KCNQ1: variants seen among roughly 807,000 people sequenced by gnomAD.
KCNQ1 encodes potassium voltage-gated channel subfamily KQT member 1.
Under a neutral mutation model 72.4 loss-of-function variants are expected in KCNQ1, and 49 were observed. The observed-to-expected ratio is 0.68, with a 90% CI of 0.54 to 0.86. The LOEUF is 0.86. KCNQ1 is among the 40% of genes least tolerant of loss of function. The pLI is 0.00. For missense variants in KCNQ1, 790 were observed against 945.1 expected, an observed-to-expected ratio of 0.84 and a Z score of 2.15; for synonymous variants, 450 against 412.6, an observed-to-expected ratio of 1.09 and a Z score of -1.10.
At chr11:2,802,846 G>A (rs1020208165) in intron 15 of KCNQ1, among the ~76,000 whole-genome samples, 3 of 152,204 alleles carry the variant, frequency 2.0e-5, no homozygotes, top group African/African-American at 7.2e-5. Flanking sequence ...ACCCTTGGAC[G>A]TTCCCTGAGC....
chr11:2,542,063 A>G (rs953272289), intron 2 of KCNQ1, among the ~76,000 whole-genome samples: 1 of 152,106 alleles, frequency 6.6e-6, no homozygotes, highest in African/African-American at 2.4e-5. Context: ...AGACTCCCAG[A>G]CCTTGCTGGG....
intron 11 of KCNQ1, among the ~76,000 whole-genome samples, chr11:2,736,744 C>T (rs1334715064): frequency 6.6e-6 from 1 of 152,238 alleles, no homozygotes; most frequent in East Asian, 1.9e-4. Flanking sequence ...TGCGCATCTG[C>T]AGCTGGTATG....
At chr11:2,587,836 G>A in intron 9 of KCNQ1, 144 bp downstream of exon 9, 2 of 1,169,676 alleles carry the variant, frequency 1.7e-6, no homozygotes. Context: ...TCGGGACACT[G>A]GGCCATACAC....
chr11:2,806,270 A>G (rs900095252), intron 15 of KCNQ1, among the ~76,000 whole-genome samples: 2 of 152,202 alleles, frequency 1.3e-5, no homozygotes, highest in East Asian at 3.9e-4. Context: ...AAAAGAGTAA[A>G]CAATCAATGT....
intron 10 of KCNQ1, chr11:2,637,762 T>G (rs1347009159): frequency 6.6e-6 from 1 of 152,200 alleles, no homozygotes. Context: ...TCTTGTTGAT[T>G]TGTCTAATGT....
chr11:2,659,690 C>G lies in KCNQ1; in HGVS notation c.1394-2271C>G, dbSNP rs898730370. Reference sequence around the variant, plus strand: ...ATTGCTAAACTATTTCCTAAAGTCACTGTGCCATTTTGCATTCCCACCAGT... The same window carrying G: ...ATTGCTAAACTATTTCCTAAAGTCAGTGTGCCATTTTGCATTCCCACCAGT... On this transcript the variant is annotated intron_variant, in intron 10 of 15. Coordinates refer to ENST00000155840, the MANE Select transcript of KCNQ1 (RefSeq NM_000218.3). This position sits in a 1 kb window ranked among gnomAD's most constrained non-coding sequence, Gnocchi z 4.3. The G allele has an allele frequency of 1.0e-5, 4 of 398,398 alleles. No homozygotes were observed. Among genetic ancestry groups the G allele is most frequent in the African/African-American group, 8.2e-5 (4 of 48,624 alleles). The allele number at this position is 398,398 out of a possible 1,614,324, so 24.7% of individuals were successfully genotyped here. A position where few individuals can be genotyped will look rare whatever the true frequency, so the allele number is the denominator to read the frequency against.
intron 2 of KCNQ1, among the ~76,000 whole-genome samples, chr11:2,545,413 C>G (rs1387162207): frequency 6.6e-6 from 1 of 151,980 alleles, no homozygotes; most frequent in East Asian, 1.9e-4. Flanking sequence ...CTGGACTTTG[C>G]TTGATGAGAA....
Position 2,566,436 on chromosome 11 carries a change from G to A in KCNQ1, c.478-4192G>A, listed in dbSNP as rs534034166. Among the ~76,000 whole-genome samples, 52 of 152,254 alleles carry A rather than the reference G, an allele frequency of 3.4e-4. No individual in the cohort carries two copies. The highest frequency in any genetic ancestry group is 1.0e-3 in the African/African-American group (43 of 41,542). On this transcript the variant is annotated intron_variant, in intron 2 of 15. Transcript: ENST00000155840. The surrounding 1 kb of genome is among the most constrained non-coding windows in gnomAD (Gnocchi z 6.7). Reference sequence around the variant, plus strand: ...GCCAGTCTTCCCTCCCCTAAGCTGCGGGTGACCTGACCTAGTTGAGCCTGG... The same window carrying A: ...GCCAGTCTTCCCTCCCCTAAGCTGCAGGTGACCTGACCTAGTTGAGCCTGG...
At chr11:2,701,231 C>G (rs1850808683) in intron 11 of KCNQ1, among the ~76,000 whole-genome samples, 1 of 152,168 alleles carries the variant, frequency 6.6e-6, no homozygotes, top group South Asian at 2.1e-4. Context: ...TTTTGTTGTT[C>G]TTCAGCCCAG....
chr11:2,578,909 C>A (rs1376557221), intron 6 of KCNQ1, among the ~76,000 whole-genome samples: 1 of 152,200 alleles, frequency 6.6e-6, no homozygotes, highest in Non-Finnish European at 1.5e-5. Flanking sequence ...TAATGGGGAG[C>A]CCTCAGCACA....
intron 11 of KCNQ1, among the ~76,000 whole-genome samples, chr11:2,737,650 AAG>A (rs772405805): frequency 6.6e-5 from 10 of 152,220 alleles, no homozygotes; most frequent in Non-Finnish European, 1.0e-4. Flanking sequence ...AAATGCCGGG[AAG>A]CCTTCGTGCT....
Position 2,678,895 on chromosome 11 carries a change from A to T in KCNQ1, c.1514+16814A>T, listed in dbSNP as rs1366766240. ...CAGCTGGACCCAAGGACCATTTCGT[A>T]TACATGTATGATCATACTTTCAGGG... On this transcript the variant is annotated intron_variant, in intron 11 of 15. Coordinates refer to ENST00000155840, the MANE Select transcript of KCNQ1 (RefSeq NM_000218.3). The surrounding 1 kb of genome is among the most constrained non-coding windows in gnomAD (Gnocchi z 4.9). The T allele has an allele frequency of 2.5e-6, 1 of 398,516 alleles. No homozygotes were observed. The highest frequency in any genetic ancestry group is 1.3e-4 in the South Asian group (1 of 7,864). The allele number at this position is 398,516 out of a possible 1,614,324, so 24.7% of individuals were successfully genotyped here.
chr11:2,673,708 T>C lies in KCNQ1; in HGVS notation c.1514+11627T>C, dbSNP rs1850231407. On this transcript the variant is annotated intron_variant, in intron 11 of 15. Transcript: ENST00000155840. This position sits in a 1 kb window ranked among gnomAD's most constrained non-coding sequence, Gnocchi z 4.5. ...ATGTTTAATTCCTGAGGTTGCTGAA[T>C]CTCAGGGCTTGGAAGGCCCAGACTG... is the stretch of plus-strand genomic sequence containing the variant. The C allele has an allele frequency of 7.5e-6, 3 of 398,480 alleles. No homozygotes were observed. In the South Asian group the frequency reaches 3.8e-4, roughly 51 times the overall value. The allele number at this position is 398,480 out of a possible 1,614,324, so 24.7% of individuals were successfully genotyped here. A position where few individuals can be genotyped will look rare whatever the true frequency, so the allele number is the denominator to read the frequency against.
rs780749983 is a variant in KCNQ1 at position 2,494,730 on chromosome 11, G to C, written c.387-33198G>C. On this transcript the variant is annotated intron_variant, in intron 1 of 15. Coordinates refer to ENST00000155840, the MANE Select transcript of KCNQ1 (RefSeq NM_000218.3). This position sits in a 1 kb window ranked among gnomAD's most constrained non-coding sequence, Gnocchi z 4.6. ...GGATAAGCTTTTTGATGTGCTGCTG[G>C]ATTCAGTTTGCCAGTATTTTATTGA... Among the ~76,000 whole-genome samples, 2 of 152,222 alleles carry C rather than the reference G, an allele frequency of 1.3e-5. No individual in the cohort carries two copies. Among genetic ancestry groups the C allele is most frequent in the Non-Finnish European group, 2.9e-5 (2 of 68,040 alleles).
chr11:2,633,918 A>G (rs755467052), intron 10 of KCNQ1: 13 of 398,490 alleles, frequency 3.3e-5, no homozygotes, highest in Non-Finnish European at 5.3e-5. Flanking sequence ...ATTGCATTCT[A>G]TCCTTGTTAG....
Position 2,627,476 on chromosome 11 carries a change from G to C in KCNQ1, c.1394-34485G>C, listed in dbSNP as rs80326080. 0.015 allele frequency: 6,077 copies of C among 398,368 alleles called. 164 individuals are homozygous for C. Among genetic ancestry groups the C allele is most frequent in the East Asian group, 0.079 (2,213 of 28,044 alleles). The allele number at this position is 398,368 out of a possible 1,614,324, so 24.7% of individuals were successfully genotyped here. A position where few individuals can be genotyped will look rare whatever the true frequency, so the allele number is the denominator to read the frequency against. ...TATTTCCCCTACTCCCTGACCCCTAGTAACCACCCTTCTACTCTCCGTTTC... is the reference window on the plus strand; with the variant it reads ...TATTTCCCCTACTCCCTGACCCCTACTAACCACCCTTCTACTCTCCGTTTC... On this transcript the variant is annotated intron_variant, in intron 10 of 15. Transcript: ENST00000155840. The surrounding 1 kb of genome is among the most constrained non-coding windows in gnomAD (Gnocchi z 4.9).
Position 2,450,963 on chromosome 11 carries a change from C to G in KCNQ1, c.386+5479C>G, listed in dbSNP as rs531856540. ...GCCCTGGCTGGAGGTGGGGAAGATC[C>G]ATGATGGGACCCAGGTGTCTTCCCA... On this transcript the variant is annotated intron_variant, in intron 1 of 15. Transcript: ENST00000155840. The surrounding 1 kb of genome is among the most constrained non-coding windows in gnomAD (Gnocchi z 7.9). Among the ~76,000 whole-genome samples, 1 of 152,246 alleles carries G rather than the reference C, an allele frequency of 6.6e-6. No homozygotes were observed. The highest frequency in any genetic ancestry group is 1.9e-4 in the East Asian group (1 of 5,158).
rs1279092942 is a variant in KCNQ1 at position 2,588,102 on chromosome 11, C to T, written c.1251+410C>T. ...GGAGGGAGGTGAGGCAGGGGTGCAG[C>T]GAAGGGGGTCTGGAGGTCACAGGGC... On this transcript the variant is annotated intron_variant, in intron 9 of 15. Coordinates refer to ENST00000155840, the MANE Select transcript of KCNQ1 (RefSeq NM_000218.3). The surrounding 1 kb of genome is among the most constrained non-coding windows in gnomAD (Gnocchi z 5.6). Among the ~76,000 whole-genome samples the T allele has an allele frequency of 1.3e-5, 2 of 151,892 alleles. No individual in the cohort carries two copies. The highest frequency in any genetic ancestry group is 1.9e-4 in the East Asian group (1 of 5,194).
In KCNQ1 at chr11:2,652,329, G is replaced by T; in HGVS notation, c.1394-9632G>T. ...TGCTTTGATTATTGTGTGAAGTTAA[G>T]AACTGGCACATTTCCGCGATGTTGT... On this transcript the variant is annotated intron_variant, in intron 10 of 15. Transcript: ENST00000155840. This position sits in a 1 kb window ranked among gnomAD's most constrained non-coding sequence, Gnocchi z 5.9. 1 of 398,630 alleles carries T rather than the reference G, an allele frequency of 2.5e-6. No homozygotes were observed. The highest frequency in any genetic ancestry group is 1.3e-4 in the South Asian group (1 of 7,852). 24.7% of individuals were successfully genotyped at this position (398,630 alleles called of 1,614,324 possible). A position where few individuals can be genotyped will look rare whatever the true frequency, so the allele number is the denominator to read the frequency against.
Sources: gnomAD v4.1 joint callset for allele counts (sites outside exome capture counted in the v4.1 genomes callset) on GRCh38, gnomAD v4.1.1 for gene constraint, Gnocchi (gnomAD v3.1) non-coding constraint, MANE v1.5 for transcripts, NCBI Gene and HGNC (gene_info 2026-07-23, HGNC 2026-07-21) for gene names.